Variants in EYS observed in about 807,000 individuals in gnomAD.
EYS encodes the protein protein eyes shut homolog.
In EYS, 250 loss-of-function variants were observed where a neutral mutation model predicts 282.1. The observed-to-expected ratio is 0.89, with a 90% CI of 0.80 to 0.98. The LOEUF (loss-of-function observed/expected upper bound fraction) is 0.98. Ranked by LOEUF, EYS falls within the 50% of genes least tolerant of loss-of-function variation. EYS has a pLI of 0.00. For synonymous variants in EYS, 1,355 were observed against 1,282.9 expected (o/e 1.06, Z -1.20); for missense variants, 4,016 against 3,709.0 (o/e 1.08, Z -2.15).
chr6:63,934,446 G>A (rs9294341), intron 35 of EYS, among the ~76,000 whole-genome samples: 46,916 of 151,454 alleles, frequency 0.31, 7,314 homozygotes, highest in Admixed American at 0.38. Flanking sequence ...AGACACATGC[G>A]CACGTATGTT....
intron 13 of EYS, among the ~76,000 whole-genome samples, chr6:65,005,710 C>T (rs903294817): frequency 7.5e-6 from 1 of 133,600 alleles, no homozygotes; most frequent in Non-Finnish European, 1.7e-5. Flanking sequence ...GGATGTTGAT[C>T]TGCCTGGAGC....
At chr6:65,476,276 C>T (rs1765402546) in intron 5 of EYS, among the ~76,000 whole-genome samples, 1 of 152,020 alleles carries the variant, frequency 6.6e-6, no homozygotes, top group Non-Finnish European at 1.5e-5. Context: ...CAATTATACC[C>T]TGCTATCAGA....
chr6:65,547,399 A>G lies in EYS; in HGVS notation c.-332-51406T>C, dbSNP rs139695418. ...ATCTGAGAACAGCACTATACATACC[A>G]TATTCAACTACAAAATAAATTTTAA... On this transcript the variant is annotated intron_variant, in intron 2 of 42. Coordinates refer to ENST00000503581, the MANE Select transcript of EYS (RefSeq NM_001142800.2). Among the ~76,000 whole-genome samples the G allele has an allele frequency of 6.3e-3, 954 of 152,052 alleles. 36 individuals are homozygous for G. The highest frequency in any genetic ancestry group is 0.051 in the Admixed American group (779 of 15,246).
chr6:64,264,143 G>A (rs776374447), intron 30 of EYS, among the ~76,000 whole-genome samples: 12 of 152,112 alleles, frequency 7.9e-5, no homozygotes, highest in Non-Finnish European at 1.0e-4. Context: ...GTAATGGGAA[G>A]GCTGCTTAGT....
chr6:64,758,923 G>A (rs1177780159), intron 22 of EYS, among the ~76,000 whole-genome samples: 3 of 152,148 alleles, frequency 2.0e-5, no homozygotes, highest in Non-Finnish European at 2.9e-5. Context: ...CGGATCACTA[G>A]GTCAGGAGAT....
chr6:65,694,027 G>T (rs1339203219), intron 1 of EYS, among the ~76,000 whole-genome samples: 3 of 150,356 alleles, frequency 2.0e-5, no homozygotes. Flanking sequence ...TAATATCTAA[G>T]ATCAATAAAA....
At chr6:64,050,411 C>T (rs528237374) in intron 33 of EYS, among the ~76,000 whole-genome samples, 7 of 152,232 alleles carry the variant, frequency 4.6e-5, no homozygotes, top group African/African-American at 1.7e-4. Flanking sequence ...ACACATTTTT[C>T]CCTTCTCCTC....
chr6:65,258,172 G>A (rs905595221), intron 12 of EYS, among the ~76,000 whole-genome samples: 1 of 151,850 alleles, frequency 6.6e-6, no homozygotes, highest in South Asian at 2.1e-4. Context: ...TAACTTTTAG[G>A]TTAAAAATGC....
chr6:65,373,013 C>T (rs1337567322), intron 8 of EYS, among the ~76,000 whole-genome samples: 2 of 151,660 alleles, frequency 1.3e-5, no homozygotes, highest in East Asian at 1.9e-4. Context: ...TAGTCTAATC[C>T]CATTAACAAG....
At chr6:63,848,958 G>A (rs145724133) in intron 36 of EYS, among the ~76,000 whole-genome samples, 53 of 152,322 alleles carry the variant, frequency 3.5e-4, no homozygotes, top group African/African-American at 1.3e-3. Flanking sequence ...TGCCAGCACA[G>A]CAGTCTGAAG....
At chr6:64,962,851 T>C (rs73767202) in intron 14 of EYS, among the ~76,000 whole-genome samples, 5 of 152,122 alleles carry the variant, frequency 3.3e-5, no homozygotes, top group Non-Finnish European at 5.9e-5. Flanking sequence ...AAAAAATGAT[T>C]TAGGTGGTAT....
At chr6:64,130,267 T>C (rs1242014708) in intron 31 of EYS, among the ~76,000 whole-genome samples, 1 of 152,162 alleles carries the variant, frequency 6.6e-6, no homozygotes, top group South Asian at 2.1e-4. Flanking sequence ...TAAGAAAGTG[T>C]GGCACATATG....
intron 36 of EYS, among the ~76,000 whole-genome samples, chr6:63,814,258 G>A (rs6921058): frequency 6.6e-6 from 1 of 152,048 alleles, no homozygotes; most frequent in East Asian, 1.9e-4. Context: ...AAATATGTCC[G>A]GAGATATCGC....
At chr6:65,015,293 T>C (rs963824185) in intron 13 of EYS, among the ~76,000 whole-genome samples, 2 of 152,240 alleles carry the variant, frequency 1.3e-5, no homozygotes, top group Non-Finnish European at 2.9e-5. Context: ...ATTTCAAAGA[T>C]GCTTGTGTTA....
chr6:63,964,842 T>C (rs1403129922), intron 35 of EYS, among the ~76,000 whole-genome samples: 1 of 152,152 alleles, frequency 6.6e-6, no homozygotes, highest in Non-Finnish European at 1.5e-5. Flanking sequence ...CAGGCTACAG[T>C]AGACAGAGCC....
chr6:64,850,662 C>T (rs1048577020), intron 19 of EYS, among the ~76,000 whole-genome samples: 3 of 151,892 alleles, frequency 2.0e-5, no homozygotes. Context: ...GGAGAAAAGA[C>T]AGTAATTGAA....
intron 11 of EYS, among the ~76,000 whole-genome samples, chr6:65,329,064 T>C (rs1036752433): frequency 6.6e-6 from 1 of 151,320 alleles, no homozygotes; most frequent in African/African-American, 2.4e-5. Flanking sequence ...TAAATAAAAA[T>C]CTGGCTTAGG....
chr6:65,142,198 C>G (rs529464776), intron 12 of EYS, among the ~76,000 whole-genome samples: 1 of 151,960 alleles, frequency 6.6e-6, no homozygotes, highest in South Asian at 2.1e-4. Flanking sequence ...CTCAAATATA[C>G]ACAAGAACAG....
At chr6:64,175,403 G>T (rs1764597017) in intron 31 of EYS, among the ~76,000 whole-genome samples, 1 of 152,158 alleles carries the variant, frequency 6.6e-6, no homozygotes, top group South Asian at 2.1e-4. Context: ...AGAAGGAAAG[G>T]AGAGAAAACC....
Sources: allele counts gnomAD v4.1 joint callset (sites outside exome capture counted in the v4.1 genomes callset), GRCh38; gene constraint gnomAD v4.1.1; transcripts MANE v1.5; gene names NCBI Gene and HGNC (gene_info 2026-07-23, HGNC 2026-07-21).